PTGES: variants seen among roughly 807,000 people sequenced by gnomAD.
PTGES encodes the protein prostaglandin E synthase, also known as MGST1-like 1.
A neutral mutation model predicts 11.8 loss-of-function variants in PTGES; 3 were observed. The observed-to-expected ratio is 0.25, with a 90% CI of 0.12 to 0.66. The LOEUF (loss-of-function observed/expected upper bound fraction) is 0.66, where lower values mean the gene tolerates loss of function less well. PTGES is among the 30% of genes least tolerant of loss of function. PTGES has a pLI of 0.82. For synonymous variants in PTGES, 94 were observed against 90.4 expected, an observed-to-expected ratio of 1.04 and a Z score of -0.22; for missense variants, 180 against 213.0, an observed-to-expected ratio of 0.85 and a Z score of 0.96.
At position 129,739,755 on chromosome 9, in the gene PTGES, G is replaced by T; in HGVS notation, c.315C>A (p.Val105=). The change falls in exon 3 of 3, where the codon GTC becomes GTA. Residue 105 remains valine, a synonymous_variant. Transcript: ENST00000340607. This position sits in a 1 kb window ranked among gnomAD's most constrained non-coding sequence, Gnocchi z 5.7. ...TGTGTGCCACACGGCCCACGAGGAA[G>T]ACCAGGAAGTGCATCCAGGCGACAA... ...NPFVAWMHFL[V]FLVGRVAHTV... 1 of 1,581,678 alleles carries T rather than the reference G, an allele frequency of 6.3e-7. No homozygotes were observed. Among genetic ancestry groups the T allele is most frequent in the East Asian group, 2.3e-5 (1 of 43,300 alleles).
intron 2 of PTGES, among the ~76,000 whole-genome samples, chr9:129,742,208 C>G (rs1409461959): frequency 6.6e-6 from 1 of 151,774 alleles, no homozygotes; most frequent in East Asian, 1.9e-4. Context: ...GCTTGTAGTT[C>G]CCAGCTACTC....
In PTGES at chr9:129,748,215, TAAA is replaced by T. The variant is rs67000610; in HGVS notation, c.209+437_209+439del. On this transcript the variant is annotated intron_variant, in intron 2 of 2. Coordinates refer to ENST00000340607, the MANE Select transcript of PTGES (RefSeq NM_004878.5). ...TATGGAACAAACTCTGTTGCCATAT[TAAA>T]AAAAAAAAAAAAAAAAAAAAAGCAT... 4.2e-5 allele frequency among the ~76,000 whole-genome samples: 3 copies of T among 71,028 alleles called. No individual in the cohort carries two copies. In the Admixed American group the frequency reaches 5.1e-4, roughly 12 times the overall value. The allele number at this position is 71,028 out of a possible 152,430, so 46.6% of individuals were successfully genotyped here.
At chr9:129,742,043 T>A (rs567336522) in intron 2 of PTGES, among the ~76,000 whole-genome samples, 1 of 150,494 alleles carries the variant, frequency 6.6e-6, no homozygotes, top group African/African-American at 2.4e-5. Context: ...CTTGGCCGGG[T>A]GCAGTGGCTC....
rs1457772741 is a variant in PTGES, at chr9:129,745,047, A to G, written c.209+3608T>C. ...GTACAAAATGTACATGCTGGATGAC[A>G]TCTAAGGGACTTCTAGGGCTGACAT... is the stretch of plus-strand genomic sequence containing the variant. On this transcript the variant is annotated intron_variant, in intron 2 of 2. Coordinates refer to ENST00000340607, the MANE Select transcript of PTGES (RefSeq NM_004878.5). The surrounding 1 kb of genome is among the most constrained non-coding windows in gnomAD (Gnocchi z 4.2). 6.6e-6 allele frequency among the ~76,000 whole-genome samples: 1 copy of G among 152,094 alleles called. No homozygotes were observed. The highest frequency in any genetic ancestry group is 2.4e-5 in the African/African-American group (1 of 41,412).
At chr9:129,741,342 A>G (rs1397205026) in intron 2 of PTGES, among the ~76,000 whole-genome samples, 1 of 152,196 alleles carries the variant, frequency 6.6e-6, no homozygotes, top group Admixed American at 6.5e-5. Flanking sequence ...AGAGGAATTC[A>G]ATCTGAGTGT....
intron 2 of PTGES, among the ~76,000 whole-genome samples, chr9:129,741,217 C>T (rs1368408111): frequency 2.0e-5 from 3 of 152,184 alleles, no homozygotes; most frequent in Non-Finnish European, 2.9e-5. Context: ...GGAAGGAAGA[C>T]CAGTGTGTGC....
rs538149835 is a variant in PTGES, at chr9:129,742,196, G to A, written c.210-2336C>T. 4.6e-5 allele frequency among the ~76,000 whole-genome samples: 7 copies of A among 151,660 alleles called. No individual in the cohort carries two copies. The South Asian group carries it at 1.5e-3, about 32-fold the overall frequency. On this transcript the variant is annotated intron_variant, in intron 2 of 2. Coordinates refer to ENST00000340607, the MANE Select transcript of PTGES (RefSeq NM_004878.5). ...AAAAATTAGCTGTACATGGTGGTGT[G>A]TGCTTGTAGTTCCCAGCTACTCAGG...
chr9:129,742,648 C>T (rs935005324), intron 2 of PTGES, among the ~76,000 whole-genome samples: 25 of 151,820 alleles, frequency 1.6e-4, no homozygotes, highest in African/African-American at 5.1e-4. Context: ...CTGAGGCGGG[C>T]GGATCACGAG....
rs202077664 is a variant in PTGES at position 129,742,692 on chromosome 9, TG to T, written c.210-2833del. 8.8e-3 allele frequency among the ~76,000 whole-genome samples: 1,344 copies of T among 151,904 alleles called. 21 individuals are homozygous for T. The highest frequency in any genetic ancestry group is 0.031 in the African/African-American group (1,274 of 41,410). Reference sequence around the variant, plus strand: ...ATCGAGACCATCCTGGCTGATATGGTGAAACCCCATCTCTACTAAAAATACA... The same window carrying T: ...ATCGAGACCATCCTGGCTGATATGGTAAACCCCATCTCTACTAAAAATACA... On this transcript the variant is annotated intron_variant, in intron 2 of 2. Coordinates refer to ENST00000340607, the MANE Select transcript of PTGES (RefSeq NM_004878.5).
In PTGES at chr9:129,745,013, G is replaced by A. The variant is rs752781199; in HGVS notation, c.209+3642C>T. Among the ~76,000 whole-genome samples the A allele has an allele frequency of 9.9e-5, 15 of 152,076 alleles. No homozygotes were observed. Among genetic ancestry groups the A allele is most frequent in the South Asian group, 2.1e-4 (1 of 4,826 alleles). The stretch of plus-strand genomic sequence containing the variant: ...AATCTCTCTCACTCTCTGGGACTGC[G>A]TTCACTATGTACAAAATGTACATGC... On this transcript the variant is annotated intron_variant, in intron 2 of 2. Transcript: ENST00000340607. This position sits in a 1 kb window ranked among gnomAD's most constrained non-coding sequence, Gnocchi z 4.2.
In PTGES at chr9:129,739,971, G is replaced by A. The variant is rs959883107; in HGVS notation, c.210-111C>T. 1.2e-5 allele frequency: 16 copies of A among 1,302,802 alleles called. No individual in the cohort carries two copies. The highest frequency in any genetic ancestry group is 1.5e-5 in the African/African-American group (1 of 67,046). The allele number at this position is 1,302,802 out of a possible 1,614,324, so 80.7% of individuals were successfully genotyped here. A position where few individuals can be genotyped will look rare whatever the true frequency, so the allele number is the denominator to read the frequency against. Reference sequence around the variant, plus strand: ...CTTTGACCCACTGGGGGTCATTTCAGGCATATCACACACTCAAATCCATTC... The same window carrying A: ...CTTTGACCCACTGGGGGTCATTTCAAGCATATCACACACTCAAATCCATTC... On this transcript the variant is annotated intron_variant, in intron 2 of 2. Transcript: ENST00000340607. The surrounding 1 kb of genome is among the most constrained non-coding windows in gnomAD (Gnocchi z 5.7).
rs750879368 is a variant in PTGES at position 129,753,035 on chromosome 9, G to T, written c.-23C>A. 1.3e-6 allele frequency: 2 copies of T among 1,597,490 alleles called. No individual in the cohort carries two copies. Among genetic ancestry groups the T allele is most frequent in the South Asian group, 2.2e-5 (2 of 90,728 alleles). On this transcript the variant is annotated 5_prime_UTR_variant, in exon 1 of 3. Coordinates refer to ENST00000340607, the MANE Select transcript of PTGES (RefSeq NM_004878.5). ...CATCTCTGGCCAGCGCAGCTCAACT[G>T]TGGGTGTGATCAGCTCGACAGAGGA...
At chr9:129,752,750 C>A in intron 1 of PTGES, 137 bp downstream of exon 1, 1 of 1,325,434 alleles carries the variant, frequency 7.5e-7, no homozygotes, top group Non-Finnish European at 1.1e-6. Flanking sequence ...GGAAGCCCCC[C>A]GGCGGGGCTG....
At chr9:129,742,520 G>A (rs1833007349) in intron 2 of PTGES, among the ~76,000 whole-genome samples, 1 of 152,042 alleles carries the variant, frequency 6.6e-6, no homozygotes, top group Non-Finnish European at 1.5e-5. Flanking sequence ...CCTGGATGAG[G>A]AGTTTTGTAA....
At chr9:129,751,343 T>TA (rs34989168) in intron 1 of PTGES, among the ~76,000 whole-genome samples, 9,847 of 103,290 alleles carry the variant, frequency 0.095, 482 homozygotes, top group East Asian at 0.22. Flanking sequence ...AAATAATAAT[T>TA]AAAAAAAAAA....
intron 2 of PTGES, among the ~76,000 whole-genome samples, chr9:129,744,894 T>G (rs1478981017): frequency 6.6e-6 from 1 of 151,886 alleles, no homozygotes; most frequent in African/African-American, 2.4e-5. Flanking sequence ...AAAAAAAATT[T>G]TTTTTGAGTA....
chr9:129,739,524 C>A lies in PTGES; in HGVS notation c.*87G>T, dbSNP rs1226218659. The A allele has an allele frequency of 1.4e-6, 2 of 1,478,236 alleles. No homozygotes were observed. Among genetic ancestry groups the A allele is most frequent in the African/African-American group, 2.8e-5 (2 of 71,394 alleles). 91.6% of individuals were successfully genotyped at this position (1,478,236 alleles called of 1,614,324 possible). ...GGAAACCAGGACTCAGGGCCCACCA[C>A]AATCTGGAAGGAACATCAAGTCCCC... On this transcript the variant is annotated 3_prime_UTR_variant, in exon 3 of 3. Transcript: ENST00000340607. The surrounding 1 kb of genome is among the most constrained non-coding windows in gnomAD (Gnocchi z 5.7).
In PTGES at chr9:129,738,600, A is replaced by G; in HGVS notation, c.*1011T>C. ...TTGGAGGGACTCAAACCTTGGGAGG[A>G]GAAGGCTGAGCTTCCTGTGGGCCCC... On this transcript the variant is annotated 3_prime_UTR_variant, in exon 3 of 3. Transcript: ENST00000340607. The surrounding 1 kb of genome is among the most constrained non-coding windows in gnomAD (Gnocchi z 4.2). 1 of 152,380 alleles carries G rather than the reference A, an allele frequency of 6.6e-6. No homozygotes were observed. Among genetic ancestry groups the G allele is most frequent in the Non-Finnish European group, 1.5e-5 (1 of 68,104 alleles). 9.4% of individuals were successfully genotyped at this position (152,380 alleles called of 1,614,324 possible). A position where few individuals can be genotyped will look rare whatever the true frequency, so the allele number is the denominator to read the frequency against.
At chr9:129,743,254 G>A (rs999654282) in intron 2 of PTGES, among the ~76,000 whole-genome samples, 3 of 152,102 alleles carry the variant, frequency 2.0e-5, no homozygotes, top group South Asian at 2.1e-4. Context: ...GGGCCCCTCC[G>A]AGGCCGCAGT....
Sources: allele counts gnomAD v4.1 joint callset (sites outside exome capture counted in the v4.1 genomes callset), GRCh38; gene constraint gnomAD v4.1.1; non-coding constraint Gnocchi (gnomAD v3.1); transcripts MANE v1.5; gene names NCBI Gene and HGNC (gene_info 2026-07-23, HGNC 2026-07-21).